The following GABRB3 variants were observed in gnomAD, a reference collection of about 807,000 sequenced individuals.
GABRB3 encodes gamma-aminobutyric acid type A receptor subunit beta3, also known as gamma-aminobutyric acid receptor subunit beta-3.
GABRB3 carries 14 observed loss-of-function variants against 52.1 expected under a neutral mutation model. The observed-to-expected ratio is 0.27, with a 90% CI of 0.18 to 0.42. GABRB3 has a LOEUF of 0.42. GABRB3 is among the 10% of genes least tolerant of loss of function. The probability of loss-of-function intolerance (pLI) is 1.00; values close to 1 mark genes in which losing one functional copy is unlikely to be tolerated. For synonymous variants in GABRB3, 260 were observed against 232.3 expected (o/e 1.12, Z -1.08); for missense variants, 307 against 609.1 (o/e 0.50, Z 5.22).
At chr15:26,599,224 C>T (rs912223111) in intron 4 of GABRB3, among the ~76,000 whole-genome samples, 14 of 152,220 alleles carry the variant, frequency 9.2e-5, no homozygotes, top group African/African-American at 3.4e-4. Context: ...AATGACCCCA[C>T]CTGGTAAGGA....
chr15:26,614,642 C>A (rs1325535857), intron 4 of GABRB3: 1 of 152,086 alleles, frequency 6.6e-6, no homozygotes, highest in East Asian at 1.9e-4. Flanking sequence ...AGACCTAATA[C>A]CTCTGTGAGT....
chr15:26,686,797 T>C (rs1888421286), intron 3 of GABRB3, among the ~76,000 whole-genome samples: 1 of 151,914 alleles, frequency 6.6e-6, no homozygotes, highest in African/African-American at 2.4e-5. Flanking sequence ...CATCCAGGAG[T>C]CGCTGTGAAT....
intron 3 of GABRB3, chr15:26,767,030 T>G (rs1310591805): frequency 3.3e-5 from 5 of 152,260 alleles, no homozygotes; most frequent in African/African-American, 1.2e-4. Context: ...GGTATTATTG[T>G]CTTCCATCTC....
At chr15:26,554,190 A>AAAGTATATAT (rs1567097853) in intron 8 of GABRB3, among the ~76,000 whole-genome samples, 1 of 31,542 alleles carries the variant, frequency 3.2e-5, no homozygotes, top group African/African-American at 8.5e-5. Flanking sequence ...ATATATATAT[A>AAAGTATATAT]CTATATATAT....
At chr15:26,642,937 G>A (rs148851689) in intron 3 of GABRB3, among the ~76,000 whole-genome samples, 65 of 152,194 alleles carry the variant, frequency 4.3e-4, no homozygotes, top group African/African-American at 1.5e-3. Context: ...TTGCCAGTCT[G>A]TCTCAGTCCC....
chr15:26,684,305 G>A (rs563996746), intron 3 of GABRB3, among the ~76,000 whole-genome samples: 1 of 152,166 alleles, frequency 6.6e-6, no homozygotes, highest in Non-Finnish European at 1.5e-5. Context: ...CCTGGACGCA[G>A]GGTGGAGGTC....
At chr15:26,586,555 C>T (rs1045505065) in intron 4 of GABRB3, among the ~76,000 whole-genome samples, 1 of 151,750 alleles carries the variant, frequency 6.6e-6, no homozygotes, top group South Asian at 2.1e-4. Context: ...ACCAAGTACA[C>T]CAAGTACAGT....
At chr15:26,708,006 C>G (rs538313121) in intron 3 of GABRB3, among the ~76,000 whole-genome samples, 2 of 152,248 alleles carry the variant, frequency 1.3e-5, no homozygotes, top group East Asian at 3.9e-4. Flanking sequence ...CTCCAGTGAG[C>G]ATTTCCTTTG....
intron 3 of GABRB3, among the ~76,000 whole-genome samples, chr15:26,737,283 A>G (rs1890089964): frequency 6.6e-6 from 1 of 151,846 alleles, no homozygotes; most frequent in Admixed American, 6.6e-5. Context: ...AACAAGACTG[A>G]GCATGGAAAA....
At chr15:26,649,836 G>A (rs1223509192) in intron 3 of GABRB3, among the ~76,000 whole-genome samples, 1 of 152,286 alleles carries the variant, frequency 6.6e-6, no homozygotes, top group East Asian at 1.9e-4. Context: ...CTGTCTCTGA[G>A]GGGTGGGATC....
intron 3 of GABRB3, among the ~76,000 whole-genome samples, chr15:26,632,258 G>T (rs1892932435): frequency 6.6e-6 from 1 of 152,240 alleles, no homozygotes; most frequent in Non-Finnish European, 1.5e-5. Context: ...TGGCAGGAGA[G>T]GAGTCCAGTT....
At chr15:26,736,949 T>C (rs1170778164) in intron 3 of GABRB3, among the ~76,000 whole-genome samples, 1 of 152,196 alleles carries the variant, frequency 6.6e-6, no homozygotes, top group African/African-American at 2.4e-5. Flanking sequence ...CATTTTCCAC[T>C]AAGGAGGGCA....
chr15:26,748,650 T>A (rs1411810151), intron 3 of GABRB3, among the ~76,000 whole-genome samples: 1 of 152,212 alleles, frequency 6.6e-6, no homozygotes, highest in African/African-American at 2.4e-5. Flanking sequence ...AAGATAAAAA[T>A]TTTTATTTGA....
At chr15:26,618,054 C>T (rs1291059077) in intron 4 of GABRB3, among the ~76,000 whole-genome samples, 118 of 151,952 alleles carry the variant, frequency 7.8e-4, no homozygotes, top group African/African-American at 2.5e-3. Context: ...TGCTCATGGG[C>T]AGGAAGAATC....
chr15:26,593,678 A>G (rs920769586), intron 4 of GABRB3, among the ~76,000 whole-genome samples: 2 of 152,270 alleles, frequency 1.3e-5, no homozygotes, highest in South Asian at 4.1e-4. Flanking sequence ...AAAAAATTCC[A>G]TTATATGGAT....
intron 4 of GABRB3, among the ~76,000 whole-genome samples, chr15:26,589,087 A>G (rs946348689): frequency 3.9e-5 from 6 of 152,210 alleles, no homozygotes; most frequent in African/African-American, 1.4e-4. Context: ...AGATCCACGG[A>G]TGTCAGTGTG....
At chr15:26,574,154 C>T (rs1169347516) in intron 6 of GABRB3, among the ~76,000 whole-genome samples, 1 of 152,144 alleles carries the variant, frequency 6.6e-6, no homozygotes, top group Non-Finnish European at 1.5e-5. Context: ...GCCAAAATAG[C>T]ATATGAAAAG....
intron 3 of GABRB3, among the ~76,000 whole-genome samples, chr15:26,674,446 GGAAA>G (rs1425322794): frequency 4.4e-5 from 5 of 113,270 alleles, no homozygotes; most frequent in African/African-American, 1.4e-4. Context: ...GGAAAGGAAA[GGAAA>G]GGAAAAGAAA....
chr15:26,569,813 T>G (rs1890327667), intron 6 of GABRB3, among the ~76,000 whole-genome samples: 1 of 152,238 alleles, frequency 6.6e-6, no homozygotes, highest in Non-Finnish European at 1.5e-5. Flanking sequence ...TTATAAATAG[T>G]TTTTGCTAAA....
Sources: gnomAD v4.1 joint callset for allele counts (sites outside exome capture counted in the v4.1 genomes callset) on GRCh38, gnomAD v4.1.1 for gene constraint, MANE v1.5 for transcripts, NCBI Gene and HGNC (gene_info 2026-07-23, HGNC 2026-07-21) for gene names.